The following PLEKHA8 variants were observed in gnomAD, a reference collection of about 807,000 sequenced individuals.
PLEKHA8 encodes the protein pleckstrin homology domain-containing family A member 8.
In PLEKHA8, 36 loss-of-function variants were observed where a neutral mutation model predicts 68.2. The ratio of observed to expected loss-of-function variants is 0.53; its 90% CI spans 0.40 to 0.70. The LOEUF (loss-of-function observed/expected upper bound fraction) is 0.70. Among genes scored for constraint, PLEKHA8 ranks in the 30% least tolerant of loss-of-function variants. PLEKHA8 has a pLI of 0.00. For synonymous variants in PLEKHA8, 211 were observed against 216.1 expected, an observed-to-expected ratio of 0.98 and a Z score of 0.20; for missense variants, 505 against 615.4, an observed-to-expected ratio of 0.82 and a Z score of 1.90.
intron 1 of PLEKHA8, among the ~76,000 whole-genome samples, chr7:30,038,193 A>G (rs1775376771): frequency 6.6e-6 from 1 of 152,200 alleles, no homozygotes; most frequent in Non-Finnish European, 1.5e-5. Context: ...GCCCATTGTA[A>G]TGATTACAAT....
chr7:30,054,961 G>T, intron 8 of PLEKHA8, 96 bp downstream of exon 8: 1 of 1,228,064 alleles, frequency 8.1e-7, no homozygotes, highest in South Asian at 1.5e-5. Flanking sequence ...GCATATTCTA[G>T]GAGAATAGAG....
Position 30,072,134 on chromosome 7 carries a change from A to G in PLEKHA8, c.1301-1937A>G, listed in dbSNP as rs531438744. The G allele has an allele frequency of 2.0e-5, 3 of 152,274 alleles. No homozygotes were observed. In the East Asian group the frequency reaches 5.8e-4, roughly 29 times the overall value. 9.4% of individuals were successfully genotyped at this position (152,274 alleles called of 1,614,324 possible). A position where few individuals can be genotyped will look rare whatever the true frequency, so the allele number is the denominator to read the frequency against. Reference sequence around the variant, plus strand: ...TACTCAGACTGTTCTCCTAAGAAAAAAGTTTAATTTTGGGTTCTCCTTTAG... The same window carrying G: ...TACTCAGACTGTTCTCCTAAGAAAAGAGTTTAATTTTGGGTTCTCCTTTAG... On this transcript the variant is annotated intron_variant, in intron 12 of 13. Coordinates refer to ENST00000449726, the MANE Select transcript of PLEKHA8 (RefSeq NM_001197026.2).
intron 1 of PLEKHA8, among the ~76,000 whole-genome samples, chr7:30,037,268 G>C (rs1791172655): frequency 6.6e-6 from 1 of 152,056 alleles, no homozygotes; most frequent in African/African-American, 2.4e-5. Flanking sequence ...ATTTCAGATT[G>C]TCAGTCCTAT....
Position 30,079,690 on chromosome 7 carries a change from C to A in PLEKHA8, c.*903C>A. 4.4e-6 allele frequency: 2 copies of A among 457,234 alleles called. No homozygotes were observed. Among genetic ancestry groups the A allele is most frequent in the Non-Finnish European group, 5.8e-6 (2 of 347,384 alleles). The allele number at this position is 457,234 out of a possible 1,614,324, so 28.3% of individuals were successfully genotyped here. A position where few individuals can be genotyped will look rare whatever the true frequency, so the allele number is the denominator to read the frequency against. On this transcript the variant is annotated 3_prime_UTR_variant, in exon 14 of 14. Coordinates refer to ENST00000449726, the MANE Select transcript of PLEKHA8 (RefSeq NM_001197026.2). ...CCAAGTGTGACCTGGACTGCCTCTGCATCAAAGTCATATGGAGTGCTTGTT... is the reference window on the plus strand; with the variant it reads ...CCAAGTGTGACCTGGACTGCCTCTGAATCAAAGTCATATGGAGTGCTTGTT...
rs7787582 is a variant in PLEKHA8 at position 30,084,488 on chromosome 7, G to A, written c.*5701G>A. 1.6e-3 allele frequency: 1,601 copies of A among 985,224 alleles called. 22 individuals carry two copies. The African/African-American group carries it at 0.026, about 16-fold the overall frequency. 61.0% of individuals were successfully genotyped at this position (985,224 alleles called of 1,614,324 possible). A position where few individuals can be genotyped will look rare whatever the true frequency, so the allele number is the denominator to read the frequency against. On this transcript the variant is annotated 3_prime_UTR_variant, in exon 14 of 14. Transcript: ENST00000449726. ...AGCCTCTTGGGACCAACCGATGAGC[G>A]ACAGTTTCATGTTTAGATTTGTATT...
chr7:30,123,476 G>T (rs1217558248), intron 13 of PLEKHA8, among the ~76,000 whole-genome samples: 1 of 152,192 alleles, frequency 6.6e-6, no homozygotes, highest in Non-Finnish European at 1.5e-5. Flanking sequence ...CAAACACAGT[G>T]GGGGGCTGAG....
chr7:30,078,846 C>T lies in PLEKHA8; in HGVS notation c.*59C>T. The stretch of plus-strand genomic sequence containing the variant: ...ATAAGTGCTAAAGTGTTTTGTTGCC[C>T]TACTTAATTTCCAGCAACAGCCTCA... On this transcript the variant is annotated 3_prime_UTR_variant, in exon 14 of 14. Coordinates refer to ENST00000449726, the MANE Select transcript of PLEKHA8 (RefSeq NM_001197026.2). 1 of 1,559,568 alleles carries T rather than the reference C, an allele frequency of 6.4e-7. No individual in the cohort carries two copies. The highest frequency in any genetic ancestry group is 2.3e-5 in the East Asian group (1 of 44,026).
chr7:30,058,447 G>A (rs1231340352), intron 9 of PLEKHA8, among the ~76,000 whole-genome samples: 1 of 148,290 alleles, frequency 6.7e-6, no homozygotes, highest in African/African-American at 2.5e-5. Context: ...TTTTGTGTGT[G>A]GTGTGAGGTA....
intron 13 of PLEKHA8, among the ~76,000 whole-genome samples, chr7:30,128,234 G>C (rs976878803): frequency 6.6e-6 from 1 of 151,954 alleles, no homozygotes; most frequent in African/African-American, 2.4e-5. Flanking sequence ...AGCCTCCTAA[G>C]TAGCTGGGAT....
intron 12 of PLEKHA8, among the ~76,000 whole-genome samples, chr7:30,066,075 A>G (rs1793828335): frequency 6.6e-6 from 1 of 152,244 alleles, no homozygotes; most frequent in Admixed American, 6.5e-5. Flanking sequence ...ACTTGTCTAC[A>G]TCTTGATAAT....
intron 1 of PLEKHA8, among the ~76,000 whole-genome samples, chr7:30,036,540 C>T (rs541865636): frequency 6.6e-6 from 1 of 152,246 alleles, no homozygotes; most frequent in South Asian, 2.1e-4. Context: ...TGAGTCTGAA[C>T]TTAAACCATG....
At chr7:30,105,851 T>G (rs1276871604) in intron 13 of PLEKHA8, among the ~76,000 whole-genome samples, 2 of 152,230 alleles carry the variant, frequency 1.3e-5, no homozygotes, top group African/African-American at 2.4e-5. Flanking sequence ...ATAGCTTTTC[T>G]TAGATGGTGG....
downstream of PLEKHA8, chr7:30,090,789 G>A (rs552947003): frequency 3.3e-5 from 10 of 303,830 alleles, no homozygotes; most frequent in Admixed American, 3.2e-4. Context: ...TTAAATACGA[G>A]CCAATTAGCT....
intron 13 of PLEKHA8, among the ~76,000 whole-genome samples, chr7:30,124,890 T>G (rs2128025795): frequency 6.6e-6 from 1 of 152,198 alleles, no homozygotes; most frequent in South Asian, 2.1e-4. Context: ...TGATAAGTTT[T>G]TTTTTTAAAT....
intron 1 of PLEKHA8, among the ~76,000 whole-genome samples, chr7:30,033,878 T>A (rs530858871): frequency 1.3e-4 from 20 of 152,262 alleles, no homozygotes; most frequent in African/African-American, 4.1e-4. Context: ...TTGATTTATA[T>A]TTCTCTGACT....
At chr7:30,116,385 G>C (rs1023824948) in intron 13 of PLEKHA8, among the ~76,000 whole-genome samples, 4 of 151,668 alleles carry the variant, frequency 2.6e-5, no homozygotes, top group Admixed American at 1.3e-4. Flanking sequence ...GTTTACATGT[G>C]CGATTTTTCA....
At chr7:30,116,604 A>AT (rs1482156135) in intron 13 of PLEKHA8, among the ~76,000 whole-genome samples, 1 of 152,220 alleles carries the variant, frequency 6.6e-6, no homozygotes, top group Non-Finnish European at 1.5e-5. Context: ...TAGAATCCTA[A>AT]TTAACATTGT....
At chr7:30,069,009 T>TGAGA (rs75913354) in intron 12 of PLEKHA8, among the ~76,000 whole-genome samples, 6 of 151,714 alleles carry the variant, frequency 4.0e-5, no homozygotes, top group Non-Finnish European at 7.4e-5. Flanking sequence ...ATACCAACTT[T>TGAGA]GAGAGAGAGA....
chr7:30,116,408 T>C (rs982370719), intron 13 of PLEKHA8, among the ~76,000 whole-genome samples: 1 of 152,110 alleles, frequency 6.6e-6, no homozygotes, highest in Non-Finnish European at 1.5e-5. Flanking sequence ...TAATAGTGTA[T>C]TGTATTTTTC....
Sources: allele counts gnomAD v4.1 joint callset (sites outside exome capture counted in the v4.1 genomes callset), GRCh38; gene constraint gnomAD v4.1.1; transcripts MANE v1.5; gene names NCBI Gene and HGNC (gene_info 2026-07-23, HGNC 2026-07-21).